The following CLASP2 variants were observed in gnomAD, a reference collection of about 807,000 sequenced individuals.
The protein encoded by CLASP2 is cytoplasmic linker associated protein 2, also known as CLIP-associating protein 2.
Under a neutral mutation model 194.4 loss-of-function variants are expected in CLASP2, and 47 were observed. The ratio of observed to expected loss-of-function variants is 0.24; its 90% confidence interval spans 0.19 to 0.31. The LOEUF (loss-of-function observed/expected upper bound fraction) is 0.31. Among genes scored for constraint, CLASP2 ranks in the 10% least tolerant of loss-of-function variants. CLASP2 has a pLI of 1.00. For missense variants in CLASP2, 1,445 were observed against 1,823.6 expected (o/e 0.79, Z 3.78); for synonymous variants, 619 against 633.5 (o/e 0.98, Z 0.34).
In CLASP2 at chr3:33,618,576, G is replaced by A. The variant is rs899121297; in HGVS notation, c.1317+1027C>T. The stretch of plus-strand genomic sequence containing the variant: ...GCGGGAAAATAGCTGGAACCCGGGC[G>A]GCAGAGGTTGCAGTGAGCTGAGATC... On this transcript the variant is annotated intron_variant, in intron 12 of 38. Coordinates refer to ENST00000682230, the MANE Select transcript of CLASP2 (RefSeq NM_001365631.1). Among the ~76,000 whole-genome samples the A allele has an allele frequency of 6.6e-5, 10 of 152,212 alleles. No individual in the cohort carries two copies. The East Asian group carries it at 1.4e-3, about 21-fold the overall frequency.
rs777341706 is a variant in CLASP2, at chr3:33,603,115, G to A, written c.1761C>T (p.Gly587=). 36 of 1,576,110 alleles carry A rather than the reference G, an allele frequency of 2.3e-5. No homozygotes were observed. The Admixed American group carries it at 6.6e-4, about 29-fold the overall frequency. ...CTGGAAGGGAACTGGCTTTGCTGCT[G>A]CCTGCTGATACTACGAAATACAAAG... ...PSTVAGRVSA[G]SSKASSLPGS... The change falls in exon 18 of 39, where the codon GGC becomes GGT. Residue 587 remains glycine (G), a synonymous_variant. Coordinates refer to ENST00000682230, the MANE Select transcript of CLASP2 (RefSeq NM_001365631.1).
chr3:33,658,075 C>T (rs1006280955), intron 7 of CLASP2, among the ~76,000 whole-genome samples: 1 of 151,490 alleles, frequency 6.6e-6, no homozygotes, highest in Non-Finnish European at 1.5e-5. Context: ...CTCTAGGCCT[C>T]GTAACAAAAA....
At chr3:33,673,741 G>C (rs2087883997) in intron 6 of CLASP2, among the ~76,000 whole-genome samples, 1 of 152,180 alleles carries the variant, frequency 6.6e-6, no homozygotes, top group South Asian at 2.1e-4. Flanking sequence ...TAAAAGGATG[G>C]AGGAAGATCT....
intron 25 of CLASP2, among the ~76,000 whole-genome samples, chr3:33,571,878 G>C (rs1363222011): frequency 6.6e-6 from 1 of 152,144 alleles, no homozygotes; most frequent in Non-Finnish European, 1.5e-5. Flanking sequence ...GGATGTACCA[G>C]TCAGGTCTAA....
chr3:33,676,693 A>G (rs1361036553), intron 6 of CLASP2, among the ~76,000 whole-genome samples: 4 of 152,258 alleles, frequency 2.6e-5, no homozygotes, highest in Admixed American at 6.5e-5. Flanking sequence ...AAAAGCCGAA[A>G]TTGACAAATG....
At chr3:33,516,254 G>T in intron 35 of CLASP2, 103 bp from the exon 36 acceptor site, 1 of 1,032,100 alleles carries the variant, frequency 9.7e-7, no homozygotes, top group Non-Finnish European at 1.4e-6. Context: ...GGGAGGAGTT[G>T]TAGATAACTG....
chr3:33,617,298 A>G (rs909698513), intron 12 of CLASP2, among the ~76,000 whole-genome samples: 1 of 152,126 alleles, frequency 6.6e-6, no homozygotes, highest in Admixed American at 6.5e-5. Flanking sequence ...TAAGAAACAG[A>G]CTTACATATT....
At chr3:33,627,348 G>A (rs1248928013) in intron 9 of CLASP2, 4 of 385,358 alleles carry the variant, frequency 1.0e-5, no homozygotes, top group Admixed American at 4.3e-5. Flanking sequence ...AAAACAAGAT[G>A]TAAAATATCT....
At chr3:33,696,360 T>C (rs2091907886) in intron 2 of CLASP2, among the ~76,000 whole-genome samples, 1 of 146,530 alleles carries the variant, frequency 6.8e-6, no homozygotes. Flanking sequence ...TTTCTTTTTT[T>C]TTTTTTTTTT....
chr3:33,609,493 T>C (rs944052761), intron 13 of CLASP2, among the ~76,000 whole-genome samples: 1 of 152,292 alleles, frequency 6.6e-6, no homozygotes, highest in Admixed American at 6.5e-5. Flanking sequence ...TATTTCTCAG[T>C]TTCTTCAACT....
chr3:33,603,542 T>C (rs1196127255), intron 17 of CLASP2, among the ~76,000 whole-genome samples: 1 of 152,214 alleles, frequency 6.6e-6, no homozygotes, highest in Non-Finnish European at 1.5e-5. Flanking sequence ...ATTAAAAAAT[T>C]AATGGAGGTT....
intron 1 of CLASP2, among the ~76,000 whole-genome samples, chr3:33,714,518 A>G (rs905770840): frequency 1.3e-5 from 2 of 152,158 alleles, no homozygotes; most frequent in African/African-American, 4.8e-5. Context: ...TGCTCAATCA[A>G]GGCAATTATC....
At chr3:33,665,681 C>A (rs775030493) in intron 6 of CLASP2, among the ~76,000 whole-genome samples, 37 of 152,104 alleles carry the variant, frequency 2.4e-4, no homozygotes, top group Admixed American at 2.4e-3. Context: ...AGGATAAGTT[C>A]ATAACTTATC....
chr3:33,552,837 AC>A (rs1411984791), intron 29 of CLASP2, among the ~76,000 whole-genome samples: 5 of 152,170 alleles, frequency 3.3e-5, no homozygotes, highest in Non-Finnish European at 7.4e-5. Flanking sequence ...AACTTTGAAT[AC>A]TTTGACCTAC....
intron 3 of CLASP2, among the ~76,000 whole-genome samples, chr3:33,688,709 T>G (rs1318534133): frequency 6.6e-6 from 1 of 152,226 alleles, no homozygotes; most frequent in Admixed American, 6.5e-5. Context: ...GCTGCCATTA[T>G]AAGTCCAGCA....
chr3:33,565,702 C>T (rs938124359), intron 27 of CLASP2, among the ~76,000 whole-genome samples: 6 of 152,018 alleles, frequency 3.9e-5, no homozygotes, highest in South Asian at 4.1e-4. Context: ...ATCCCAGCTA[C>T]TCAGGAGGCT....
rs936667739 is a variant in CLASP2 at position 33,497,132 on chromosome 3, TC to T, written c.*1498del. ...GAGGGAGAGGATATAGAGAAACTTT[TC>T]CTGCTGCTAGAACAGAAAGAAAGGG... On this transcript the variant is annotated 3_prime_UTR_variant, in exon 39 of 39. Coordinates refer to ENST00000682230, the MANE Select transcript of CLASP2 (RefSeq NM_001365631.1). 6 of 152,582 alleles carry T rather than the reference TC, an allele frequency of 3.9e-5. No individual in the cohort carries two copies. Among genetic ancestry groups the T allele is most frequent in the African/African-American group, 1.4e-4 (6 of 41,446 alleles). The allele number at this position is 152,582 out of a possible 1,614,324, so 9.5% of individuals were successfully genotyped here. A position where few individuals can be genotyped will look rare whatever the true frequency, so the allele number is the denominator to read the frequency against.
At chr3:33,565,342 C>A (rs1218438341) in intron 27 of CLASP2, among the ~76,000 whole-genome samples, 2 of 151,948 alleles carry the variant, frequency 1.3e-5, no homozygotes, top group African/African-American at 4.8e-5. Flanking sequence ...CCACACTCGG[C>A]TAATTTTTTT....
At chr3:33,697,693 T>C (rs746172381) in intron 1 of CLASP2, among the ~76,000 whole-genome samples, 1 of 152,170 alleles carries the variant, frequency 6.6e-6, no homozygotes, top group Non-Finnish European at 1.5e-5. Context: ...ATGTAGAAAC[T>C]GGAAAGAATA....
Sources: gnomAD v4.1 joint callset for allele counts (sites outside exome capture counted in the v4.1 genomes callset) on GRCh38, gnomAD v4.1.1 for gene constraint, MANE v1.5 for transcripts, NCBI Gene and HGNC (gene_info 2026-07-23, HGNC 2026-07-21) for gene names.